CACNA1C: variants seen among roughly 807,000 people sequenced by gnomAD.
CACNA1C encodes calcium voltage-gated channel subunit alpha1 C, also known as voltage-dependent L-type calcium channel subunit alpha-1C.
In CACNA1C, 30 loss-of-function variants were observed where a neutral mutation model predicts 229.0. The ratio of observed to expected loss-of-function variants is 0.13; its 90% CI spans 0.10 to 0.18. The LOEUF (loss-of-function observed/expected upper bound fraction) is 0.18. Ranked by LOEUF, CACNA1C falls within the 10% of genes least tolerant of loss-of-function variation. CACNA1C has a pLI of 1.00. For missense variants in CACNA1C, 1,658 were observed against 2,845.0 expected (o/e 0.58, Z 9.49); for synonymous variants, 1,114 against 1,132.5 (o/e 0.98, Z 0.33).
intron 34 of CACNA1C, 81 bp from the exon 35 acceptor site, chr12:2,664,744 G>A (rs1454733632): frequency 8.5e-7 from 1 of 1,177,662 alleles, no homozygotes; most frequent in Non-Finnish European, 1.2e-6. Flanking sequence ...GGAGGAAAGG[G>A]ACAGGTGGGG....
At chr12:2,676,947 C>T (rs1219374237) in intron 39 of CACNA1C, 147 bp from the exon 40 acceptor site, 7 of 623,632 alleles carry the variant, frequency 1.1e-5, no homozygotes, top group Admixed American at 6.0e-5. Context: ...GGTTTTTTTT[C>T]TCTCTTTTTA....
chr12:2,593,460 A>C (rs1480507513), intron 19 of CACNA1C, 115 bp downstream of exon 19: 1 of 1,070,922 alleles, frequency 9.3e-7, no homozygotes, highest in East Asian at 2.6e-5. Flanking sequence ...AGCTCCTTGC[A>C]AATTGTATAA....
At chr12:2,522,805 G>T (rs977145876) in intron 9 of CACNA1C, among the ~76,000 whole-genome samples, 1 of 152,140 alleles carries the variant, frequency 6.6e-6, no homozygotes, top group Non-Finnish European at 1.5e-5. Flanking sequence ...AGGCCTGGAT[G>T]GTCTCCTTTC....
intron 3 of CACNA1C, among the ~76,000 whole-genome samples, chr12:2,164,319 G>A (rs906177301): frequency 6.6e-6 from 1 of 152,236 alleles, no homozygotes; most frequent in East Asian, 1.9e-4. Flanking sequence ...CACTGAATGA[G>A]GCATTGTGGA....
chr12:2,299,588 C>T (rs2094392873), intron 3 of CACNA1C, among the ~76,000 whole-genome samples: 2 of 152,108 alleles, frequency 1.3e-5, no homozygotes, highest in Admixed American at 6.6e-5. Flanking sequence ...AATACAGATT[C>T]CTAGGCCTCA....
At chr12:2,274,857 G>A (rs2086993095) in intron 3 of CACNA1C, among the ~76,000 whole-genome samples, 1 of 152,196 alleles carries the variant, frequency 6.6e-6, no homozygotes, top group African/African-American at 2.4e-5. Context: ...GGCTGGTGTG[G>A]GGCCCCGGCT....
intron 29 of CACNA1C, among the ~76,000 whole-genome samples, chr12:2,623,526 C>G (rs1015239625): frequency 3.9e-5 from 6 of 152,140 alleles, no homozygotes; most frequent in African/African-American, 1.4e-4. Flanking sequence ...TAGAAGTGGT[C>G]TCCACCACCT....
chr12:2,272,873 C>T (rs2085741480), intron 3 of CACNA1C, among the ~76,000 whole-genome samples: 1 of 152,192 alleles, frequency 6.6e-6, no homozygotes, highest in Non-Finnish European at 1.5e-5. Flanking sequence ...AGCTCCACAG[C>T]TAGAAGAAAT....
chr12:2,461,327 T>C (rs2099499934), intron 5 of CACNA1C, among the ~76,000 whole-genome samples: 1 of 152,196 alleles, frequency 6.6e-6, no homozygotes, highest in African/African-American at 2.4e-5. Context: ...TGCTCTTTCT[T>C]AGCTCTGCCC....
intron 3 of CACNA1C, among the ~76,000 whole-genome samples, chr12:2,360,772 A>G (rs988696842): frequency 4.4e-4 from 65 of 148,746 alleles, no homozygotes; most frequent in African/African-American, 1.6e-3. Context: ...AAGAATTGCA[A>G]TGCTCGAAGA....
chr12:2,254,798 G>A (rs1042553794), intron 3 of CACNA1C, among the ~76,000 whole-genome samples: 7 of 151,644 alleles, frequency 4.6e-5, no homozygotes, highest in Admixed American at 6.6e-5. Flanking sequence ...ATTCTGATAC[G>A]TCCCATCTAC....
chr12:2,579,128 A>G (rs1031057828), intron 13 of CACNA1C, among the ~76,000 whole-genome samples: 2 of 152,072 alleles, frequency 1.3e-5, no homozygotes, highest in Non-Finnish European at 2.9e-5. Flanking sequence ...CTCTGCAGCC[A>G]TGACCTGCTT....
chr12:1,979,554 C>G (rs999716676), intron 1 of CACNA1C, among the ~76,000 whole-genome samples: 1 of 152,238 alleles, frequency 6.6e-6, no homozygotes, highest in East Asian at 1.9e-4. Flanking sequence ...TCAAGTGATC[C>G]GCCCGCCTCA....
Position 2,075,712 on chromosome 12 carries a change from A to T in CACNA1C, c.49+22101A>T, listed in dbSNP as rs1370891834. 5.2e-4 allele frequency among the ~76,000 whole-genome samples: 79 copies of T among 152,358 alleles called. 1 individual carries two copies. The highest frequency in any genetic ancestry group is 1.9e-3 in the African/African-American group (77 of 41,586). On this transcript the variant is annotated intron_variant, in intron 1 of 46. Transcript: ENST00000399655. ...TAGGAATGTTCACAGAAGTGGCGTC[A>T]GTACCATGGACTTGTCCTTGTCCCA...
intron 3 of CACNA1C, among the ~76,000 whole-genome samples, chr12:2,272,716 G>C (rs767776646): frequency 1.1e-4 from 17 of 152,158 alleles, no homozygotes; most frequent in Admixed American, 2.0e-4. Flanking sequence ...CCTCTGCATT[G>C]TGCCGTGAGA....
At chr12:2,250,121 C>T (rs1392931272) in intron 3 of CACNA1C, among the ~76,000 whole-genome samples, 1 of 152,164 alleles carries the variant, frequency 6.6e-6, no homozygotes, top group Non-Finnish European at 1.5e-5. Context: ...CTTGCCTTCT[C>T]TTTAGATTCC....
At chr12:2,005,061 G>A (rs1179499306) in intron 1 of CACNA1C, among the ~76,000 whole-genome samples, 2 of 151,898 alleles carry the variant, frequency 1.3e-5, no homozygotes, top group Non-Finnish European at 2.9e-5. Context: ...AAAAGCGCCG[G>A]TGGTTTAACC....
chr12:2,311,036 T>G (rs142609613), intron 3 of CACNA1C, among the ~76,000 whole-genome samples: 1 of 152,358 alleles, frequency 6.6e-6, no homozygotes, highest in Non-Finnish European at 1.5e-5. Flanking sequence ...AGGCTTTCTT[T>G]CACGCTTATG....
At chr12:2,385,545 A>G (rs543509014) in intron 3 of CACNA1C, among the ~76,000 whole-genome samples, 63 of 152,178 alleles carry the variant, frequency 4.1e-4, no homozygotes, top group African/African-American at 1.2e-3. Flanking sequence ...CTGTAGCCTT[A>G]GGTAGGCCCC....
Sources: gnomAD v4.1 joint callset for allele counts (sites outside exome capture counted in the v4.1 genomes callset) on GRCh38, gnomAD v4.1.1 for gene constraint, MANE v1.5 for transcripts, NCBI Gene and HGNC (gene_info 2026-07-23, HGNC 2026-07-21) for gene names.